TRPC5: variants seen among roughly 807,000 people sequenced by gnomAD.
TRPC5 encodes short transient receptor potential channel 5.
TRPC5 carries 9 observed loss-of-function variants against 56.5 expected under a neutral mutation model. The ratio of observed to expected loss-of-function variants is 0.16; its 90% CI spans 0.10 to 0.28. The LOEUF (loss-of-function observed/expected upper bound fraction) is 0.28, where lower values mean the gene tolerates loss of function less well. Among genes scored for constraint, TRPC5 ranks in the 10% least tolerant of loss-of-function variants. TRPC5 has a pLI of 1.00. For missense variants in TRPC5, 469 were observed against 748.9 expected, an observed-to-expected ratio of 0.63 and a Z score of 4.36; for synonymous variants, 282 against 278.5, an observed-to-expected ratio of 1.01 and a Z score of -0.13.
rs144277886 is a variant in TRPC5 at position 111,952,232 on chromosome X, G to A, written c.189C>T (p.Ile63=). Reference sequence around the variant, plus strand: ...TCCGGCCCAAGGGGTCCATGCAGTTGATGTTAACATTATAGTAGATCTCAG... The same window carrying A: ...TCCGGCCCAAGGGGTCCATGCAGTTAATGTTAACATTATAGTAGATCTCAG... The part of the protein sequence containing the change: ...QEAEIYYNVN[I]NCMDPLGRSA... The change falls in exon 2 of 11, where the codon ATC becomes ATT. Residue 63 remains isoleucine, a synonymous_variant. Coordinates refer to ENST00000262839, the MANE Select transcript of TRPC5 (RefSeq NM_012471.3). The A allele has an allele frequency of 2.4e-4, 292 of 1,210,405 alleles. No individual in the cohort carries two copies. Among genetic ancestry groups the A allele is most frequent in the Non-Finnish European group, 2.3e-4 (205 of 895,379 alleles).
intron 1 of TRPC5, among the ~76,000 whole-genome samples, chrX:112,023,488 C>A (rs1215157804): frequency 9.2e-6 from 1 of 108,483 alleles, no homozygotes; most frequent in Non-Finnish European, 1.9e-5. Flanking sequence ...GGCAAGCAGG[C>A]CCCAGACTAC....
At chrX:111,842,888 G>A (rs1023668707) in intron 6 of TRPC5, among the ~76,000 whole-genome samples, 2 of 112,008 alleles carry the variant, frequency 1.8e-5, no homozygotes, top group East Asian at 2.8e-4. Context: ...GGGGCAGGGT[G>A]GGCAGAAGCA....
intron 6 of TRPC5, among the ~76,000 whole-genome samples, chrX:111,841,655 T>TTC (rs1165007902): frequency 8.9e-6 from 1 of 112,320 alleles, no homozygotes; most frequent in Non-Finnish European, 1.9e-5. Context: ...TAGATTATTA[T>TTC]TCATTTGAAT....
chrX:111,786,948 C>G (rs1361040537), intron 7 of TRPC5, among the ~76,000 whole-genome samples: 2 of 111,327 alleles, frequency 1.8e-5, no homozygotes, highest in African/African-American at 6.5e-5. Context: ...GAGGCTTAGA[C>G]TCCCACACAA....
intron 1 of TRPC5, among the ~76,000 whole-genome samples, chrX:112,037,546 G>A (rs1929779610): frequency 9.0e-6 from 1 of 110,589 alleles, no homozygotes; most frequent in Admixed American, 9.7e-5. Flanking sequence ...TTCCAGCATT[G>A]CCATCCCCTA....
chrX:112,038,847 A>ATTT lies in TRPC5; in HGVS notation c.-22+43029_-22+43031dup, dbSNP rs750713100. 1.9e-3 allele frequency among the ~76,000 whole-genome samples: 169 copies of ATTT among 88,251 alleles called. 1 individual carries two copies. The highest frequency in any genetic ancestry group is 6.0e-3 in the African/African-American group (144 of 23,815). The allele number at this position is 88,251 out of a possible 115,157, so 76.6% of individuals were successfully genotyped here. A position where few individuals can be genotyped will look rare whatever the true frequency, so the allele number is the denominator to read the frequency against. On this transcript the variant is annotated intron_variant, in intron 1 of 10. Coordinates refer to ENST00000262839, the MANE Select transcript of TRPC5 (RefSeq NM_012471.3). ...CAGGCGCCCACCACCATGCCCGGCT[A>ATTT]TTTTTTTTTTTTTTTTGTATTTTTA... is the stretch of plus-strand genomic sequence containing the variant.
At chrX:112,066,177 C>A (rs1163618175) in intron 1 of TRPC5, among the ~76,000 whole-genome samples, 2 of 109,024 alleles carry the variant, frequency 1.8e-5, no homozygotes, top group African/African-American at 6.6e-5. Context: ...TCAGGCAGAA[C>A]CAAACCCTTC....
At chrX:111,899,219 T>G (rs1925220139) in intron 3 of TRPC5, among the ~76,000 whole-genome samples, 1 of 110,836 alleles carries the variant, frequency 9.0e-6, no homozygotes, top group African/African-American at 3.3e-5. Context: ...CAAAAGTGAC[T>G]GAGTCCCCCG....
chrX:111,919,115 A>G (rs897794203), intron 2 of TRPC5, among the ~76,000 whole-genome samples: 9 of 111,543 alleles, frequency 8.1e-5, no homozygotes, highest in Admixed American at 4.8e-4. Flanking sequence ...CTGAGAGGTG[A>G]AGCCAGCTGT....
At position 111,774,773 on chromosome X, in the gene TRPC5, TTACA is replaced by T. The variant is rs1301607028; in HGVS notation, c.*1536_*1539del. ...TCATTTCTCTTACTTTTATCAGAAATTACATACATTAATCTAAATGGATTCCTAT... is the reference window on the plus strand; with the variant it reads ...TCATTTCTCTTACTTTTATCAGAAATTACATTAATCTAAATGGATTCCTAT... On this transcript the variant is annotated 3_prime_UTR_variant, in exon 11 of 11. Coordinates refer to ENST00000262839, the MANE Select transcript of TRPC5 (RefSeq NM_012471.3). The T allele has an allele frequency of 9.0e-6, 1 of 111,074 alleles. No homozygotes were observed. The highest frequency in any genetic ancestry group is 3.3e-5 in the African/African-American group (1 of 30,525). The allele number at this position is 111,074 out of a possible 1,213,427, so 9.2% of individuals were successfully genotyped here.
chrX:111,784,567 T>C (rs904463532), intron 7 of TRPC5, among the ~76,000 whole-genome samples: 1 of 111,760 alleles, frequency 8.9e-6, no homozygotes, highest in Non-Finnish European at 1.9e-5. Context: ...TCATTGGGAC[T>C]GGTTGGACAG....
chrX:111,772,350 G>A lies in TRPC5; in HGVS notation c.*3963C>T. Among the ~76,000 whole-genome samples the A allele has an allele frequency of 8.9e-6, 1 of 112,148 alleles. No individual in the cohort carries two copies. On this transcript the variant is annotated 3_prime_UTR_variant, in exon 11 of 11. Transcript: ENST00000262839. ...GGTTATTTAAATGATCTGAACACTT[G>A]GATCAATTTGCATTGACTATGTCTA...
rs59572180 is a variant in TRPC5, at chrX:111,918,556, G to GA, written c.379-5745dup. ...CTTTGACAGTCCAGATGTGGGGATG[G>GA]AAAATTCAGGTTTTGGATAGATTCA... On this transcript the variant is annotated intron_variant, in intron 2 of 10. Transcript: ENST00000262839. Among the ~76,000 whole-genome samples the GA allele has an allele frequency of 5.4e-3, 594 of 110,807 alleles. 3 individuals carry two copies. Among genetic ancestry groups the GA allele is most frequent in the African/African-American group, 0.017 (508 of 30,439 alleles).
At chrX:111,833,528 C>G (rs1922472385) in intron 7 of TRPC5, among the ~76,000 whole-genome samples, 3 of 110,702 alleles carry the variant, frequency 2.7e-5, no homozygotes, top group Admixed American at 1.9e-4. Context: ...TTTTTAAACT[C>G]TCCAATAACA....
intron 3 of TRPC5, among the ~76,000 whole-genome samples, chrX:111,882,637 C>T (rs1432483213): frequency 8.8e-6 from 1 of 113,006 alleles, no homozygotes; most frequent in East Asian, 2.8e-4. Context: ...TTGGCCAAGA[C>T]CAAAGCCTAG....
Position 112,022,309 on chromosome X carries a change from A to G in TRPC5, c.-22+59570T>C, listed in dbSNP as rs191156068. Among the ~76,000 whole-genome samples, 32 of 112,495 alleles carry G rather than the reference A, an allele frequency of 2.8e-4. 1 individual carries two copies. In the Admixed American group the frequency reaches 2.9e-3, roughly 10 times the overall value. On this transcript the variant is annotated intron_variant, in intron 1 of 10. Transcript: ENST00000262839. ...CCATTAAAGTACAGGCAGAGAGGAA[A>G]GAGCTTTTGGTTGAAACGAAAAGCT...
chrX:111,904,063 C>T (rs1050417942), intron 3 of TRPC5: 4 of 111,937 alleles, frequency 3.6e-5, no homozygotes, highest in East Asian at 2.8e-4. Context: ...CTTCACTCAA[C>T]GTAAGGTAGC....
intron 6 of TRPC5, 72 bp downstream of exon 6, chrX:111,847,042 G>T: frequency 9.2e-7 from 1 of 1,081,172 alleles, no homozygotes; most frequent in South Asian, 2.2e-5. Context: ...CTGAAAACAG[G>T]ACAAAAATGG....
chrX:112,028,867 G>T (rs1311775213), intron 1 of TRPC5, among the ~76,000 whole-genome samples: 1 of 111,980 alleles, frequency 8.9e-6, no homozygotes, highest in Non-Finnish European at 1.9e-5. Context: ...TTCCACAATG[G>T]TTGAACTAAT....
Sources: gnomAD v4.1 joint callset for allele counts (sites outside exome capture counted in the v4.1 genomes callset) on GRCh38, gnomAD v4.1.1 for gene constraint, MANE v1.5 for transcripts, NCBI Gene and HGNC (gene_info 2026-07-23, HGNC 2026-07-21) for gene names.